The following SORCS1 variants were observed in gnomAD, a reference collection of about 807,000 sequenced individuals.
SORCS1 encodes VPS10 domain-containing receptor SorCS1.
In SORCS1, 60 loss-of-function variants were observed where a neutral mutation model predicts 146.1. That is an observed-to-expected ratio of 0.41 (90% confidence interval 0.33 to 0.51). The LOEUF is 0.51. Among genes scored for constraint, SORCS1 ranks in the 20% least tolerant of loss-of-function variants. SORCS1 has a pLI of 0.21. For missense variants in SORCS1, 1,352 were observed against 1,487.6 expected, an observed-to-expected ratio of 0.91 and a Z score of 1.50; for synonymous variants, 637 against 584.0, an observed-to-expected ratio of 1.09 and a Z score of -1.31.
At chr10:106,952,504 GT>G (rs1380787379) in intron 2 of SORCS1, among the ~76,000 whole-genome samples, 1 of 150,048 alleles carries the variant, frequency 6.7e-6, no homozygotes, top group African/African-American at 2.5e-5. Context: ...ACTGTGAGCT[GT>G]TCAAAAGTCC....
intron 1 of SORCS1, among the ~76,000 whole-genome samples, chr10:107,027,540 C>T (rs1169112038): frequency 6.6e-6 from 1 of 152,152 alleles, no homozygotes; most frequent in Non-Finnish European, 1.5e-5. Context: ...CTCCAGGGAA[C>T]TTGCTGTGTG....
At chr10:107,149,016 T>C (rs1349823674) in intron 1 of SORCS1, among the ~76,000 whole-genome samples, 1 of 152,164 alleles carries the variant, frequency 6.6e-6, no homozygotes, top group Non-Finnish European at 1.5e-5. Context: ...ATCGGGACCT[T>C]GTAACATCAT....
intron 1 of SORCS1, among the ~76,000 whole-genome samples, chr10:107,067,738 T>C (rs946222569): frequency 6.6e-6 from 1 of 152,216 alleles, no homozygotes; most frequent in Non-Finnish European, 1.5e-5. Flanking sequence ...TGTGTGATCT[T>C]GAATAACTCA....
At chr10:107,024,381 C>A (rs1386049326) in intron 1 of SORCS1, among the ~76,000 whole-genome samples, 1 of 151,956 alleles carries the variant, frequency 6.6e-6, no homozygotes, top group Non-Finnish European at 1.5e-5. Flanking sequence ...CTCTTTTTAA[C>A]AACCAGCTCT....
At chr10:106,615,224 G>C (rs1249815607) in intron 21 of SORCS1, among the ~76,000 whole-genome samples, 4 of 152,118 alleles carry the variant, frequency 2.6e-5, no homozygotes, top group Non-Finnish European at 5.9e-5. Context: ...TCTTTCTCAA[G>C]GACCTGGGAG....
chr10:107,141,272 T>C (rs542424746), intron 1 of SORCS1, among the ~76,000 whole-genome samples: 1 of 152,308 alleles, frequency 6.6e-6, no homozygotes, highest in African/African-American at 2.4e-5. Flanking sequence ...TGGCTACTTT[T>C]GTAGAGAGGA....
chr10:106,923,022 G>A (rs1462435571), intron 2 of SORCS1, among the ~76,000 whole-genome samples: 1 of 151,932 alleles, frequency 6.6e-6, no homozygotes, highest in East Asian at 1.9e-4. Context: ...CCGAGTAGCT[G>A]GGACTATAGG....
intron 1 of SORCS1, among the ~76,000 whole-genome samples, chr10:107,017,749 T>C (rs1304349610): frequency 6.6e-6 from 1 of 152,152 alleles, no homozygotes; most frequent in African/African-American, 2.4e-5. Flanking sequence ...TCCACTTCCC[T>C]GGTTCAAGCG....
At chr10:107,021,777 G>T (rs1037870360) in intron 1 of SORCS1, among the ~76,000 whole-genome samples, 8 of 151,986 alleles carry the variant, frequency 5.3e-5, no homozygotes, top group Non-Finnish European at 1.2e-4. Context: ...TTTTTCACTA[G>T]CCTGATCAAT....
At chr10:106,674,282 T>A (rs1215984757) in intron 14 of SORCS1, among the ~76,000 whole-genome samples, 1 of 121,616 alleles carries the variant, frequency 8.2e-6, no homozygotes, top group Admixed American at 1.1e-4. Context: ...TGAGCCGAGA[T>A]CATGCCACTG....
At chr10:106,832,597 TC>T (rs1360949463) in intron 2 of SORCS1, among the ~76,000 whole-genome samples, 2 of 152,154 alleles carry the variant, frequency 1.3e-5, no homozygotes, top group Non-Finnish European at 2.9e-5. Flanking sequence ...TTATTCTATC[TC>T]CTTTTATTGT....
intron 24 of SORCS1, among the ~76,000 whole-genome samples, chr10:106,586,271 CT>C (rs1287658798): frequency 1.6e-4 from 24 of 152,302 alleles, no homozygotes; most frequent in African/African-American, 5.5e-4. Flanking sequence ...GCTATTAAAG[CT>C]TACGCTGATA....
At chr10:106,748,433 A>C (rs1229161487) in intron 5 of SORCS1, among the ~76,000 whole-genome samples, 1 of 152,122 alleles carries the variant, frequency 6.6e-6, no homozygotes, top group East Asian at 1.9e-4. Context: ...TTAATTGCAA[A>C]CTTAATGGCA....
intron 2 of SORCS1, among the ~76,000 whole-genome samples, chr10:106,930,785 T>A (rs927154029): frequency 6.6e-6 from 1 of 152,238 alleles, no homozygotes; most frequent in African/African-American, 2.4e-5. Context: ...TGAAACTTCT[T>A]CAAAAGTCCA....
chr10:106,797,494 C>T (rs574161869), intron 3 of SORCS1, among the ~76,000 whole-genome samples: 8 of 151,674 alleles, frequency 5.3e-5, no homozygotes, highest in African/African-American at 1.9e-4. Flanking sequence ...AATCCTTTTC[C>T]AATTTAGTCT....
chr10:106,963,525 C>T (rs1042759394), intron 1 of SORCS1, among the ~76,000 whole-genome samples: 39 of 152,244 alleles, frequency 2.6e-4, no homozygotes, highest in South Asian at 1.0e-3. Flanking sequence ...GTGTCTTTGG[C>T]TAAGTATTTA....
chr10:106,706,260 AAG>A (rs1854518112), intron 8 of SORCS1, among the ~76,000 whole-genome samples: 1 of 151,804 alleles, frequency 6.6e-6, no homozygotes, highest in East Asian at 1.9e-4. Context: ...GAAAAAGAGA[AAG>A]AGAAAAAAAG....
chr10:106,914,065 C>G (rs1269525411), intron 2 of SORCS1, among the ~76,000 whole-genome samples: 1 of 152,216 alleles, frequency 6.6e-6, no homozygotes, highest in Non-Finnish European at 1.5e-5. Context: ...CTTCAAAACA[C>G]TATCATCAAT....
intron 1 of SORCS1, among the ~76,000 whole-genome samples, chr10:106,967,912 A>G (rs947523252): frequency 6.6e-6 from 1 of 152,034 alleles, no homozygotes; most frequent in Non-Finnish European, 1.5e-5. Flanking sequence ...TAAAAAAAAA[A>G]AGACAAAAAA....
Sources: gnomAD v4.1 joint callset for allele counts (sites outside exome capture counted in the v4.1 genomes callset) on GRCh38, gnomAD v4.1.1 for gene constraint, MANE v1.5 for transcripts, NCBI Gene and HGNC (gene_info 2026-07-23, HGNC 2026-07-21) for gene names.